Variants in NEK10 observed in about 807,000 individuals in gnomAD.
The protein encoded by NEK10 is NIMA related kinase 10, also known as serine/threonine-protein kinase Nek10.
Under a neutral mutation model 159.8 loss-of-function variants are expected in NEK10, and 122 were observed. That is an observed-to-expected ratio of 0.76 (90% CI 0.66 to 0.89). The LOEUF (loss-of-function observed/expected upper bound fraction) is 0.89, where lower values mean the gene tolerates loss of function less well. Ranked by LOEUF, NEK10 falls within the 40% of genes least tolerant of loss-of-function variation. NEK10 has a pLI of 0.00. For missense variants in NEK10, 1,342 were observed against 1,323.1 expected, an observed-to-expected ratio of 1.01 and a Z score of -0.22; for synonymous variants, 466 against 457.1, an observed-to-expected ratio of 1.02 and a Z score of -0.25.
At position 27,284,837 on chromosome 3, in the gene NEK10, T is replaced by C; in HGVS notation, c.1911+3A>G. On this transcript the variant is annotated splice_donor_region_variant and intron_variant, in intron 21 of 35. Coordinates refer to ENST00000691995, the MANE Select transcript of NEK10 (RefSeq NM_001394966.1). ...GAAAAATTTAATGAAGATAAAAGCA[T>C]ACCTGTATAAATATTTTCCATAGTC... is the stretch of plus-strand genomic sequence containing the variant. The C allele has an allele frequency of 6.3e-7, 1 of 1,581,306 alleles. No homozygotes were observed. Among genetic ancestry groups the C allele is most frequent in the Non-Finnish European group, 8.7e-7 (1 of 1,152,342 alleles).
chr3:27,215,875 T>C (rs1340282177), intron 23 of NEK10: 2 of 714,020 alleles, frequency 2.8e-6, no homozygotes, highest in Non-Finnish European at 5.2e-6. Flanking sequence ...GTAGAGGTGC[T>C]GCACACTTTA....
chr3:27,138,617 G>A (rs1441461577), intron 31 of NEK10, among the ~76,000 whole-genome samples: 1 of 152,064 alleles, frequency 6.6e-6, no homozygotes, highest in Non-Finnish European at 1.5e-5. Flanking sequence ...CTATGGTATG[G>A]TTTCTGACTA....
chr3:27,190,815 CT>C (rs773664246), intron 26 of NEK10, among the ~76,000 whole-genome samples: 2 of 152,096 alleles, frequency 1.3e-5, no homozygotes, highest in Admixed American at 6.6e-5. Context: ...GCATTGTTGC[CT>C]AGTTATTATG....
intron 22 of NEK10, among the ~76,000 whole-genome samples, chr3:27,266,637 G>A (rs2040918733): frequency 6.6e-6 from 1 of 152,180 alleles, no homozygotes; most frequent in Non-Finnish European, 1.5e-5. Context: ...TGTGCTAGCT[G>A]TCAACTTATT....
intron 30 of NEK10, chr3:27,162,475 T>G: frequency 6.2e-7 from 1 of 1,614,108 alleles, no homozygotes; most frequent in Non-Finnish European, 8.5e-7. Context: ...ATCTTTGAGA[T>G]TTCGAAGAAT....
At chr3:27,237,873 C>T (rs2149245265) in intron 23 of NEK10, among the ~76,000 whole-genome samples, 1 of 152,252 alleles carries the variant, frequency 6.6e-6, no homozygotes, top group Middle Eastern at 3.4e-3. Context: ...GCAAAACCAG[C>T]TCTGATATGT....
chr3:27,188,773 A>G (rs1334303263), intron 26 of NEK10, among the ~76,000 whole-genome samples: 1 of 152,186 alleles, frequency 6.6e-6, no homozygotes, highest in African/African-American at 2.4e-5. Context: ...AATAATTCTA[A>G]TGGAATTGAA....
intron 23 of NEK10, among the ~76,000 whole-genome samples, chr3:27,225,924 CCA>C (rs755978367): frequency 3.9e-5 from 6 of 152,118 alleles, no homozygotes; most frequent in African/African-American, 1.4e-4. Flanking sequence ...GAAGTCCCCC[CCA>C]GATATAGGAA....
At chr3:27,301,364 T>C (rs576678350) in intron 13 of NEK10, among the ~76,000 whole-genome samples, 29 of 152,222 alleles carry the variant, frequency 1.9e-4, no homozygotes, top group Admixed American at 5.2e-4. Context: ...ATCTAGAAAA[T>C]TCTAGAAAGC....
Position 27,151,718 on chromosome 3 carries a change from C to T in NEK10, c.2870-10136G>A, listed in dbSNP as rs1004600867. ...GTTACTTAGCTAATCAGGGAGGAAC[C>T]AGAGAAAGGTGAAGCCCAGTGCAAG... On this transcript the variant is annotated intron_variant, in intron 30 of 35. Coordinates refer to ENST00000691995, the MANE Select transcript of NEK10 (RefSeq NM_001394966.1). Among the ~76,000 whole-genome samples, 3 of 152,080 alleles carry T rather than the reference C, an allele frequency of 2.0e-5. No individual in the cohort carries two copies. The East Asian group carries it at 5.8e-4, about 29-fold the overall frequency.
At chr3:27,303,871 T>C (rs1397313650) in intron 12 of NEK10, among the ~76,000 whole-genome samples, 7 of 152,206 alleles carry the variant, frequency 4.6e-5, no homozygotes, top group African/African-American at 1.7e-4. Context: ...TTTATTTATG[T>C]ACTGCAGATC....
chr3:27,118,070 A>G (rs1940743791), intron 33 of NEK10, among the ~76,000 whole-genome samples: 2 of 152,204 alleles, frequency 1.3e-5, no homozygotes, highest in Admixed American at 1.3e-4. Flanking sequence ...TTTATTAAAT[A>G]AGGAATCCTT....
chr3:27,248,052 G>A lies in NEK10; in HGVS notation c.2090+8244C>T, dbSNP rs116532514. Among the ~76,000 whole-genome samples the A allele has an allele frequency of 8.8e-3, 1,335 of 151,970 alleles. 24 individuals are homozygous for A. The highest frequency in any genetic ancestry group is 0.03 in the African/African-American group (1,236 of 41,462). On this transcript the variant is annotated intron_variant, in intron 23 of 35. Coordinates refer to ENST00000691995, the MANE Select transcript of NEK10 (RefSeq NM_001394966.1). ...CATTATGGCTTCCATCTCACTACTTGTTATTGGTCTGTTTGGGTTTTGAGT... is the reference window on the plus strand; with the variant it reads ...CATTATGGCTTCCATCTCACTACTTATTATTGGTCTGTTTGGGTTTTGAGT...
intron 30 of NEK10, among the ~76,000 whole-genome samples, chr3:27,149,098 A>G (rs1387498296): frequency 1.3e-5 from 2 of 150,380 alleles, no homozygotes; most frequent in African/African-American, 2.4e-5. Context: ...ATATTTTAAT[A>G]TAATAAAATA....
chr3:27,294,723 G>C (rs1333263962), intron 15 of NEK10, among the ~76,000 whole-genome samples: 1 of 152,054 alleles, frequency 6.6e-6, no homozygotes, highest in Non-Finnish European at 1.5e-5. Flanking sequence ...TCTTAAATCA[G>C]ATTGGAGACA....
chr3:27,357,593 T>C (rs965058655), intron 1 of NEK10, among the ~76,000 whole-genome samples: 2 of 152,230 alleles, frequency 1.3e-5, no homozygotes, highest in African/African-American at 4.8e-5. Context: ...CCACTGGTGA[T>C]GTGCCTAAGA....
At chr3:27,354,954 A>G (rs1438967021) in intron 1 of NEK10, among the ~76,000 whole-genome samples, 2 of 152,198 alleles carry the variant, frequency 1.3e-5, no homozygotes, top group African/African-American at 2.4e-5. Flanking sequence ...TCAAAAAGAC[A>G]TACAGAATCT....
chr3:27,130,908 C>T (rs1031511236), intron 32 of NEK10, among the ~76,000 whole-genome samples: 16 of 152,168 alleles, frequency 1.1e-4, no homozygotes, highest in African/African-American at 3.9e-4. Context: ...TCTGATGGAG[C>T]AGGCTTTATG....
In NEK10 at chr3:27,295,637, A is replaced by C; in HGVS notation, c.1284T>G (p.Asn428Lys). ...AKLILPNKQK[N>K]AAKSNLLQCY... is the part of the protein sequence containing the mutation. ...CCTGTAATAGATTACTTTTTGCTGC[A>C]TTCTTTTGCTTATTTGGTAAAATTA... Residue 428 changes from asparagine (N) to lysine (K), a missense_variant, in exon 15 of 36, where the codon AAT (asparagine) becomes AAG (lysine). Physicochemically the swap from Asn to Lys is moderately conservative, Grantham distance 94. Coordinates refer to ENST00000691995, the MANE Select transcript of NEK10 (RefSeq NM_001394966.1). 2 of 1,566,176 alleles carry C rather than the reference A, an allele frequency of 1.3e-6. No homozygotes were observed. Among genetic ancestry groups the C allele is most frequent in the Non-Finnish European group, 1.7e-6 (2 of 1,152,902 alleles).
Sources: allele counts gnomAD v4.1 joint callset (sites outside exome capture counted in the v4.1 genomes callset), GRCh38; gene constraint gnomAD v4.1.1; transcripts MANE v1.5; gene names NCBI Gene and HGNC (gene_info 2026-07-23, HGNC 2026-07-21).